The following BICC1 variants were observed in gnomAD, a reference collection of about 807,000 sequenced individuals.
The protein encoded by BICC1 is protein bicaudal C homolog 1.
A neutral mutation model predicts 111.0 loss-of-function variants in BICC1; 43 were observed. The ratio of observed to expected loss-of-function variants is 0.39; its 90% CI spans 0.30 to 0.50. The LOEUF is 0.50. Ranked by LOEUF, BICC1 falls within the 20% of genes least tolerant of loss-of-function variation. The pLI, the probability that BICC1 is intolerant of heterozygous loss-of-function variation, is 0.88. For missense variants in BICC1, 1,091 were observed against 1,203.2 expected (o/e 0.91, Z 1.38); for synonymous variants, 467 against 434.4 (o/e 1.07, Z -0.93).
intron 3 of BICC1, among the ~76,000 whole-genome samples, chr10:58,709,584 C>T (rs1466909967): frequency 6.6e-6 from 1 of 152,208 alleles, no homozygotes; most frequent in African/African-American, 2.4e-5. Flanking sequence ...GAGCCCTCAA[C>T]TCAATCATGG....
At chr10:58,671,697 T>A (rs1839190856) in intron 2 of BICC1, among the ~76,000 whole-genome samples, 1 of 152,106 alleles carries the variant, frequency 6.6e-6, no homozygotes, top group Non-Finnish European at 1.5e-5. Flanking sequence ...CTGCTGCTTG[T>A]TAGAATTGAT....
At chr10:58,567,704 C>T (rs1354133695) in intron 1 of BICC1, among the ~76,000 whole-genome samples, 1 of 152,012 alleles carries the variant, frequency 6.6e-6, no homozygotes, top group Non-Finnish European at 1.5e-5. Flanking sequence ...CAGCCACTGT[C>T]AGTTTAAAGT....
In BICC1 at chr10:58,753,011, A is replaced by AG. The variant is rs558040594; in HGVS notation, c.308-31988dup. Among the ~76,000 whole-genome samples, 17 of 152,270 alleles carry AG rather than the reference A, an allele frequency of 1.1e-4. No individual in the cohort carries two copies. The East Asian group carries it at 3.3e-3, about 29-fold the overall frequency. On this transcript the variant is annotated intron_variant, in intron 3 of 20. Coordinates refer to ENST00000373886, the MANE Select transcript of BICC1 (RefSeq NM_001080512.3). ...ACTTTGTAGCTGCATCTGAGTAATC[A>AG]GGAAAAAGTGGGGCGATTGAAGGGC...
chr10:58,749,093 T>C (rs1050168688), intron 3 of BICC1, among the ~76,000 whole-genome samples: 1 of 152,156 alleles, frequency 6.6e-6, no homozygotes, highest in Admixed American at 6.6e-5. Context: ...TGGATTGATA[T>C]TCATTTAATT....
intron 20 of BICC1, chr10:58,824,217 T>C: frequency 2.2e-6 from 1 of 448,236 alleles, no homozygotes; most frequent in Non-Finnish European, 3.0e-6. Flanking sequence ...CATGTGAGGT[T>C]TCACCTCTGT....
intron 4 of BICC1, among the ~76,000 whole-genome samples, chr10:58,785,557 GTCTC>G (rs145993132): frequency 7.3e-5 from 11 of 149,750 alleles, no homozygotes; most frequent in South Asian, 4.2e-4. Flanking sequence ...ATCACGTGAT[GTCTC>G]TCTCTCTCTC....
chr10:58,535,809 A>G (rs1842809821), intron 1 of BICC1, among the ~76,000 whole-genome samples: 2 of 151,720 alleles, frequency 1.3e-5, no homozygotes, highest in African/African-American at 4.8e-5. Context: ...GTCACAAACC[A>G]AATATCTGCT....
intron 1 of BICC1, among the ~76,000 whole-genome samples, chr10:58,595,167 A>G (rs1844770738): frequency 1.3e-5 from 2 of 152,236 alleles, no homozygotes; most frequent in South Asian, 2.1e-4. Flanking sequence ...AGAGCTAACT[A>G]TCCTAAATAT....
intron 3 of BICC1, among the ~76,000 whole-genome samples, chr10:58,779,986 C>T (rs1842842808): frequency 6.6e-6 from 1 of 152,110 alleles, no homozygotes; most frequent in Non-Finnish European, 1.5e-5. Context: ...TACTTGCCGA[C>T]TGTTGACATA....
At chr10:58,640,318 T>G (rs1363740338) in intron 2 of BICC1, among the ~76,000 whole-genome samples, 2 of 152,166 alleles carry the variant, frequency 1.3e-5, no homozygotes, top group Non-Finnish European at 2.9e-5. Flanking sequence ...GAAACCAAAG[T>G]TATAATAGAG....
At chr10:58,814,625 A>T (rs1017150320) in intron 18 of BICC1, among the ~76,000 whole-genome samples, 1 of 151,364 alleles carries the variant, frequency 6.6e-6, no homozygotes, top group African/African-American at 2.4e-5. Flanking sequence ...TACTAAAAAA[A>T]AAAAAAAAAA....
chr10:58,675,464 GCAA>G (rs1310350466), intron 2 of BICC1, among the ~76,000 whole-genome samples: 1 of 152,140 alleles, frequency 6.6e-6, no homozygotes, highest in Non-Finnish European at 1.5e-5. Context: ...CCTGCAATTT[GCAA>G]CAACAAGGGT....
intron 3 of BICC1, among the ~76,000 whole-genome samples, chr10:58,724,516 A>G (rs1044769122): frequency 3.3e-5 from 5 of 152,188 alleles, no homozygotes; most frequent in African/African-American, 1.2e-4. Flanking sequence ...CAACTGGGTC[A>G]TCTTTCAGCT....
rs1017435906 is a variant in BICC1, at chr10:58,552,276, T to A, written c.190+38943T>A. Among the ~76,000 whole-genome samples the A allele has an allele frequency of 3.3e-5, 5 of 152,232 alleles. No individual in the cohort carries two copies. The Middle Eastern group carries it at 0.01, about 311-fold the overall frequency. On this transcript the variant is annotated intron_variant, in intron 1 of 20. Coordinates refer to ENST00000373886, the MANE Select transcript of BICC1 (RefSeq NM_001080512.3). ...ATACAGATTTATAGTTGCACAAATCTGTAGTTGATATTTTCAAACTGTAAT... is the reference window on the plus strand; with the variant it reads ...ATACAGATTTATAGTTGCACAAATCAGTAGTTGATATTTTCAAACTGTAAT...
At chr10:58,611,008 G>T (rs1278764580) in intron 1 of BICC1, among the ~76,000 whole-genome samples, 1 of 152,128 alleles carries the variant, frequency 6.6e-6, no homozygotes, top group East Asian at 1.9e-4. Context: ...TGATGTTATT[G>T]ATTGTCCATT....
rs141103570 is a variant in BICC1, at chr10:58,798,414, C to T, written c.1382C>T (p.Thr461Ile). 3.8e-6 allele frequency: 6 copies of T among 1,588,468 alleles called. No homozygotes were observed. In the African/African-American group the frequency reaches 6.8e-5, roughly 18 times the overall value. Residue 461 changes from threonine (T) to isoleucine (I), a missense_variant, in exon 11 of 21, where the codon ACC becomes ATC. Physicochemically the swap from Thr to Ile is moderately conservative, Grantham distance 89. Around this residue, in one of 3 missense-constraint regions of BICC1, gnomAD observed 843 missense variants for 900.8 expected, o/e 0.94. Transcript: ENST00000373886. ...GLTGLGLLGP[T>I]TLSLNTSTTP... ...TTTATTACAGGTCTTTTGGGACCCA[C>T]CACCTTATCTCTGAACACTTCAACA... is the stretch of plus-strand genomic sequence containing the variant.
intron 3 of BICC1, among the ~76,000 whole-genome samples, chr10:58,737,634 A>C (rs942171433): frequency 6.6e-6 from 1 of 152,218 alleles, no homozygotes; most frequent in Non-Finnish European, 1.5e-5. Flanking sequence ...TGGCTGGGTC[A>C]AATGGTATTT....
intron 3 of BICC1, among the ~76,000 whole-genome samples, chr10:58,769,297 CACACACACACAT>C (rs1274706306): frequency 2.0e-5 from 3 of 150,448 alleles, no homozygotes; most frequent in South Asian, 2.1e-4. Flanking sequence ...CACACACACA[CACACACACACAT>C]GCACACGCAC....
chr10:58,819,327 G>T (rs1844187636), intron 19 of BICC1, among the ~76,000 whole-genome samples: 1 of 152,114 alleles, frequency 6.6e-6, no homozygotes, highest in Non-Finnish European at 1.5e-5. Flanking sequence ...GGTTTTCTAA[G>T]ACCTGGATGT....
Sources: gnomAD v4.1 joint callset for allele counts (sites outside exome capture counted in the v4.1 genomes callset) on GRCh38, gnomAD v4.1.1 for gene constraint, gnomAD v4.1.1 regional missense constraint, MANE v1.5 for transcripts, NCBI Gene and HGNC (gene_info 2026-07-23, HGNC 2026-07-21) for gene names.